PCDH17: variants seen among roughly 807,000 people sequenced by gnomAD.
The protein encoded by PCDH17 is protocadherin-17.
In PCDH17, 21 loss-of-function variants were observed where a neutral mutation model predicts 67.7. That is an observed-to-expected ratio of 0.31 (90% CI 0.22 to 0.45). The LOEUF (loss-of-function observed/expected upper bound fraction) is 0.45, where lower values mean the gene tolerates loss of function less well. Ranked by LOEUF, PCDH17 falls within the 20% of genes least tolerant of loss-of-function variation. The pLI is 1.00. For missense variants in PCDH17, 1,471 were observed against 1,564.8 expected, an observed-to-expected ratio of 0.94 and a Z score of 1.01; for synonymous variants, 701 against 656.7, an observed-to-expected ratio of 1.07 and a Z score of -1.03.
In PCDH17 at chr13:57,632,719, G is replaced by C; in HGVS notation, c.173G>C (p.Arg58Pro). The C allele has an allele frequency of 6.2e-7, 1 of 1,611,506 alleles. No homozygotes were observed. Among genetic ancestry groups the C allele is most frequent in the Non-Finnish European group, 8.5e-7 (1 of 1,179,872 alleles). ...LPPAERGGGG[R>P]SKSGSYRVLE... ...CCTGCAGAGCGCGGCGGCGGAGGGC[G>C]CAGCAAGTCGGGTAGCTACCGGGTG... Residue 58 changes from arginine (R) to proline (P), a missense_variant, in exon 1 of 4, where the codon CGC becomes CCC. Physicochemically the swap from Arg to Pro is moderately radical, Grantham distance 103 (BLOSUM62 -2). Coordinates refer to ENST00000377918, the MANE Select transcript of PCDH17 (RefSeq NM_001040429.3).
At chr13:57,718,875 T>C (rs1242989968) in intron 3 of PCDH17, among the ~76,000 whole-genome samples, 1 of 152,024 alleles carries the variant, frequency 6.6e-6, no homozygotes, top group African/African-American at 2.4e-5. Flanking sequence ...AAAAAGGCCA[T>C]AAAATCAAGC....
At chr13:57,688,679 G>T (rs1180191980) in intron 3 of PCDH17, among the ~76,000 whole-genome samples, 1 of 152,036 alleles carries the variant, frequency 6.6e-6, no homozygotes, top group Non-Finnish European at 1.5e-5. Context: ...AGATTTGAAA[G>T]ATTCCACATC....
chr13:57,676,663 T>A (rs950650695), intron 3 of PCDH17, among the ~76,000 whole-genome samples: 11 of 151,684 alleles, frequency 7.3e-5, no homozygotes, highest in African/African-American at 2.4e-4. Flanking sequence ...GAGGAAGAGG[T>A]CAGTAATAGT....
intron 3 of PCDH17, among the ~76,000 whole-genome samples, chr13:57,667,687 A>G (rs1050581673): frequency 1.3e-5 from 2 of 151,626 alleles, no homozygotes; most frequent in East Asian, 3.9e-4. Context: ...TACATTTAAA[A>G]TATGTGAACC....
chr13:57,682,354 C>T lies in PCDH17; in HGVS notation c.2797+15521C>T, dbSNP rs531738308. Reference sequence around the variant, plus strand: ...GGCTACCCTTCTTACTCAAAATACCCTCTCAGGTGGTCACATGTATTCTCT... The same window carrying T: ...GGCTACCCTTCTTACTCAAAATACCTTCTCAGGTGGTCACATGTATTCTCT... On this transcript the variant is annotated intron_variant, in intron 3 of 3. Coordinates refer to ENST00000377918, the MANE Select transcript of PCDH17 (RefSeq NM_001040429.3). Among the ~76,000 whole-genome samples, 20 of 151,888 alleles carry T rather than the reference C, an allele frequency of 1.3e-4. No homozygotes were observed. The South Asian group carries it at 3.9e-3, about 30-fold the overall frequency.
chr13:57,659,250 A>T (rs866751719), intron 1 of PCDH17, among the ~76,000 whole-genome samples: 1 of 152,168 alleles, frequency 6.6e-6, no homozygotes, highest in African/African-American at 2.4e-5. Context: ...CATAGAATAC[A>T]GTTTCCTACT....
chr13:57,698,644 G>A (rs1325494335), intron 3 of PCDH17, among the ~76,000 whole-genome samples: 2 of 151,162 alleles, frequency 1.3e-5, no homozygotes, highest in Non-Finnish European at 3.0e-5. Flanking sequence ...AAATCATTGA[G>A]TAATGTGATC....
chr13:57,635,126 G>C lies in PCDH17; in HGVS notation c.2565+15G>C. On this transcript the variant is annotated intron_variant, in intron 1 of 3. Transcript: ENST00000377918. ...CCATAATTCAGGTAGGAGACTTTTAGCATAACTGGGAGTTCACTTTATTGC... is the reference window on the plus strand; with the variant it reads ...CCATAATTCAGGTAGGAGACTTTTACCATAACTGGGAGTTCACTTTATTGC... The C allele has an allele frequency of 1.9e-6, 3 of 1,611,390 alleles. No individual in the cohort carries two copies. The highest frequency in any genetic ancestry group is 2.5e-6 in the Non-Finnish European group (3 of 1,179,584).
Position 57,711,861 on chromosome 13 carries a change from T to A in PCDH17, c.2798-12751T>A, listed in dbSNP as rs373613085. ...TTGTGTTTTATAGGTAATAAATACA[T>A]CAATGAGTTATGTATCTTAGGATGT... On this transcript the variant is annotated intron_variant, in intron 3 of 3. Coordinates refer to ENST00000377918, the MANE Select transcript of PCDH17 (RefSeq NM_001040429.3). Among the ~76,000 whole-genome samples the A allele has an allele frequency of 1.3e-4, 20 of 151,552 alleles. No individual in the cohort carries two copies. In the South Asian group the frequency reaches 4.2e-3, roughly 32 times the overall value.
intron 1 of PCDH17, among the ~76,000 whole-genome samples, chr13:57,637,236 GCA>G (rs1954835189): frequency 6.6e-6 from 1 of 152,048 alleles, no homozygotes; most frequent in South Asian, 2.1e-4. Flanking sequence ...GAAATGTTTT[GCA>G]CAGTGGCTAA....
chr13:57,704,719 G>A (rs1298260424), intron 3 of PCDH17, among the ~76,000 whole-genome samples: 1 of 151,932 alleles, frequency 6.6e-6, no homozygotes, highest in Admixed American at 6.6e-5. Context: ...AAATAACATG[G>A]CGGAAACATT....
chr13:57,672,346 G>A (rs575254306), intron 3 of PCDH17, among the ~76,000 whole-genome samples: 1 of 152,090 alleles, frequency 6.6e-6, no homozygotes, highest in East Asian at 2.0e-4. Flanking sequence ...AATGAGGGCA[G>A]TATTTGTTAT....
intron 3 of PCDH17, among the ~76,000 whole-genome samples, chr13:57,684,910 A>G (rs1015034578): frequency 6.6e-6 from 1 of 152,122 alleles, no homozygotes; most frequent in African/African-American, 2.4e-5. Flanking sequence ...TTCTTCTAAC[A>G]TAACCAAATT....
Position 57,634,184 on chromosome 13 carries a change from G to T in PCDH17, c.1638G>T (p.Lys546Asn). Residue 546 changes from lysine (K) to asparagine (N), a missense_variant, in exon 1 of 4, where the codon AAG becomes AAT. This residue lies in a region of PCDH17 where 1,163 missense variants were observed against 1,230.0 expected (regional missense o/e 0.95). Coordinates refer to ENST00000377918, the MANE Select transcript of PCDH17 (RefSeq NM_001040429.3). This position sits in a 1 kb window ranked among gnomAD's most constrained non-coding sequence, Gnocchi z 7.8. ...ALRSFNFEQTKAFEFKVLAKD... is the reference protein window; with the variant it reads ...ALRSFNFEQTNAFEFKVLAKD... ...GCTCCTTTAACTTCGAGCAGACCAA[G>T]GCTTTTGAGTTCAAGGTGCTTGCTA... 1.2e-6 allele frequency: 2 copies of T among 1,613,552 alleles called. No homozygotes were observed. Among genetic ancestry groups the T allele is most frequent in the Non-Finnish European group, 1.7e-6 (2 of 1,180,028 alleles).
intron 3 of PCDH17, among the ~76,000 whole-genome samples, chr13:57,682,007 G>A (rs753902499): frequency 6.6e-6 from 1 of 151,626 alleles, no homozygotes; most frequent in Non-Finnish European, 1.5e-5. Flanking sequence ...CAGTTCTCTA[G>A]GTACTTGATC....
intron 1 of PCDH17, among the ~76,000 whole-genome samples, chr13:57,663,369 C>T (rs560360864): frequency 1.3e-5 from 2 of 152,174 alleles, no homozygotes; most frequent in Admixed American, 1.3e-4. Context: ...TCTTCCAAGA[C>T]TTAAAATTTA....
In PCDH17 at chr13:57,634,342, G is replaced by A. The variant is rs1375857261; in HGVS notation, c.1796G>A (p.Arg599His). ...GACACCGCGGAGCTGCAGGTGCCGC[G>A]CAACGCTGGCCTGGGCTATCTGGTG... ...QNDTAELQVP[R>H]NAGLGYLVST... is the part of the protein sequence containing the mutation. The change falls in exon 1 of 4, where the codon CGC becomes CAC. Residue 599 changes from arginine (R) to histidine (H), a missense_variant. Coordinates refer to ENST00000377918, the MANE Select transcript of PCDH17 (RefSeq NM_001040429.3). This position sits in a 1 kb window ranked among gnomAD's most constrained non-coding sequence, Gnocchi z 7.8. 1.2e-6 allele frequency: 2 copies of A among 1,612,726 alleles called. No homozygotes were observed. The highest frequency in any genetic ancestry group is 2.2e-5 in the East Asian group (1 of 44,840).
At chr13:57,723,812 A>G (rs1026872365) in intron 3 of PCDH17, among the ~76,000 whole-genome samples, 3 of 152,144 alleles carry the variant, frequency 2.0e-5, no homozygotes, top group Non-Finnish European at 4.4e-5. Flanking sequence ...AGAATGCTTT[A>G]TTTAGAGTCT....
intron 1 of PCDH17, among the ~76,000 whole-genome samples, chr13:57,640,602 A>T (rs1193751892): frequency 6.6e-6 from 1 of 152,008 alleles, no homozygotes; most frequent in Non-Finnish European, 1.5e-5. Flanking sequence ...AGAGCTAGTG[A>T]CCCTAGAGCG....
Sources: allele counts gnomAD v4.1 joint callset (sites outside exome capture counted in the v4.1 genomes callset), GRCh38; gene constraint gnomAD v4.1.1; regional missense constraint gnomAD v4.1.1; non-coding constraint Gnocchi (gnomAD v3.1); transcripts MANE v1.5; gene names NCBI Gene and HGNC (gene_info 2026-07-23, HGNC 2026-07-21).